The following SPRY3 variants were observed in gnomAD, a reference collection of about 807,000 sequenced individuals.
SPRY3 encodes sprouty RTK signaling antagonist 3.
In SPRY3, 15 loss-of-function variants were observed where a neutral mutation model predicts 20.2. The observed-to-expected ratio is 0.74, with a 90% CI of 0.50 to 1.14. The LOEUF (loss-of-function observed/expected upper bound fraction) is 1.14. Among genes scored for constraint, SPRY3 ranks in the 50% most tolerant of loss-of-function variants. The pLI, the probability that SPRY3 is intolerant of heterozygous loss-of-function variation, is 0.00. For synonymous variants in SPRY3, 143 were observed against 136.5 expected (o/e 1.05, Z -0.33); for missense variants, 364 against 363.9 (o/e 1.00, Z 0.00).
At chrX:155,613,844 A>G (rs1158314416) in intron 1 of SPRY3, among the ~76,000 whole-genome samples, 1 of 111,273 alleles carries the variant, frequency 9.0e-6, no homozygotes, top group Non-Finnish European at 1.9e-5. Context: ...GATCTCGTAC[A>G]GGCCTCAAGA....
chrX:155,751,480 G>A (rs1211276851), intron 2 of SPRY3, among the ~76,000 whole-genome samples: 2 of 151,778 alleles, frequency 1.3e-5, no homozygotes, highest in Admixed American at 1.3e-4. Context: ...CTTCTGCATG[G>A]CTTCAATTCT....
At chrX:155,771,277 T>C (rs1014106424) in intron 3 of SPRY3, among the ~76,000 whole-genome samples, 3 of 152,190 alleles carry the variant, frequency 2.0e-5, no homozygotes, top group African/African-American at 4.8e-5. Context: ...TTATTGTTTC[T>C]GAGTCATTTA....
chrX:155,719,099 A>G (rs1475805488), intron 2 of SPRY3, among the ~76,000 whole-genome samples: 2 of 152,068 alleles, frequency 1.3e-5, no homozygotes, highest in Non-Finnish European at 2.9e-5. Flanking sequence ...CACCCCCACA[A>G]TGTGCCCTGG....
At chrX:155,640,102 T>C (rs1454091137) in intron 1 of SPRY3, among the ~76,000 whole-genome samples, 3 of 111,713 alleles carry the variant, frequency 2.7e-5, no homozygotes, top group Non-Finnish European at 5.6e-5. Flanking sequence ...TTATATACAG[T>C]TGACTTTCAG....
At chrX:155,737,126 T>G (rs1321349242) in intron 2 of SPRY3, among the ~76,000 whole-genome samples, 2 of 152,334 alleles carry the variant, frequency 1.3e-5, no homozygotes, top group African/African-American at 4.8e-5. Context: ...ATTACAGCCC[T>G]TAACATATTA....
intron 2 of SPRY3, among the ~76,000 whole-genome samples, chrX:155,756,759 G>A (rs1192392491): frequency 1.3e-5 from 2 of 151,888 alleles, no homozygotes; most frequent in African/African-American, 4.8e-5. Context: ...TCCTTTACAA[G>A]ACACAGAGAC....
At chrX:155,722,573 A>G (rs2091066933) in intron 2 of SPRY3, among the ~76,000 whole-genome samples, 1 of 152,158 alleles carries the variant, frequency 6.6e-6, no homozygotes, top group Non-Finnish European at 1.5e-5. Flanking sequence ...AACCGAGAAA[A>G]TTAACCTTCA....
At chrX:155,768,113 G>C (rs1224482419) in exon 3 of SPRY3, 2 of 151,978 alleles carry the variant, frequency 1.3e-5, no homozygotes, top group African/African-American at 2.4e-5. Context: ...GCTTTTCTCA[G>C]CATGGATAAA....
chrX:155,671,214 G>C (rs1320096524), intron 2 of SPRY3, among the ~76,000 whole-genome samples: 1 of 111,457 alleles, frequency 9.0e-6, no homozygotes, highest in Non-Finnish European at 1.9e-5. Flanking sequence ...AAGTAAAATA[G>C]TTACTTATTC....
At chrX:155,683,184 G>A (rs1043419985) in intron 2 of SPRY3, among the ~76,000 whole-genome samples, 1 of 112,645 alleles carries the variant, frequency 8.9e-6, no homozygotes, top group Non-Finnish European at 1.9e-5. Flanking sequence ...TGATAAAGCA[G>A]TGGTCTGGTT....
At chrX:155,773,677 G>A in intron 3 of SPRY3, 89 bp from the exon 3 acceptor site, 3 of 620,604 alleles carry the variant, frequency 4.8e-6, no homozygotes, top group East Asian at 2.7e-5. Flanking sequence ...GAAGGTAGTG[G>A]TGGTGATAGG....
At chrX:155,770,179 C>T (rs2091372292) in intron 3 of SPRY3, among the ~76,000 whole-genome samples, 1 of 152,168 alleles carries the variant, frequency 6.6e-6, no homozygotes, top group East Asian at 1.9e-4. Context: ...TCACTCCACT[C>T]TTCTTTGAAA....
At chrX:155,683,402 C>T (rs750271396) in intron 2 of SPRY3, among the ~76,000 whole-genome samples, 1 of 112,177 alleles carries the variant, frequency 8.9e-6, no homozygotes, top group African/African-American at 3.2e-5. Flanking sequence ...AACATTGAGG[C>T]AAGACCTTCT....
chrX:155,737,260 A>C (rs1222935168), intron 2 of SPRY3, among the ~76,000 whole-genome samples: 3 of 152,014 alleles, frequency 2.0e-5, no homozygotes, highest in African/African-American at 7.2e-5. Context: ...TATCCAATCC[A>C]CCATTGATGG....
intron 1 of SPRY3, among the ~76,000 whole-genome samples, chrX:155,615,623 C>T (rs1557348791): frequency 8.9e-6 from 1 of 111,832 alleles, no homozygotes; most frequent in African/African-American, 3.2e-5. Context: ...AAGAATCCTG[C>T]TAGGTATTCT....
intron 2 of SPRY3, among the ~76,000 whole-genome samples, chrX:155,749,993 C>T (rs2091252868): frequency 6.6e-6 from 1 of 151,650 alleles, no homozygotes; most frequent in Admixed American, 6.6e-5. Context: ...TGTAGATAAA[C>T]AATAGAAGAG....
intron 2 of SPRY3, among the ~76,000 whole-genome samples, chrX:155,760,907 T>A (rs1270749722): frequency 6.6e-6 from 1 of 152,136 alleles, no homozygotes; most frequent in Non-Finnish European, 1.5e-5. Flanking sequence ...TGCTTTAAAG[T>A]ACATGCCATG....
At chrX:155,728,517 G>T (rs1367740835) in intron 2 of SPRY3, among the ~76,000 whole-genome samples, 2 of 152,188 alleles carry the variant, frequency 1.3e-5, no homozygotes, top group Admixed American at 6.5e-5. Context: ...CCTCAGCAAT[G>T]GTGGACGCCC....
At chrX:155,774,831 C>G in exon 4 of SPRY3, 1 of 1,427,556 alleles carries the variant, frequency 7.0e-7, no homozygotes, top group Non-Finnish European at 9.5e-7. Flanking sequence ...GAGTGATAAA[C>G]TAGCCAAAGT....
Sources: allele counts gnomAD v4.1 joint callset (sites outside exome capture counted in the v4.1 genomes callset), GRCh38; gene constraint gnomAD v4.1.1; transcripts MANE v1.5; gene names NCBI Gene and HGNC (gene_info 2026-07-23, HGNC 2026-07-21).